Variants in NFIC observed in about 807,000 individuals in gnomAD.
The protein encoded by NFIC is nuclear factor 1 C-type.
Under a neutral mutation model 54.4 loss-of-function variants are expected in NFIC, and 12 were observed. The observed-to-expected ratio is 0.22, with a 90% CI of 0.14 to 0.36. The LOEUF (loss-of-function observed/expected upper bound fraction) is 0.36, where lower values mean the gene tolerates loss of function less well. NFIC is among the 10% of genes least tolerant of loss of function. NFIC has a pLI of 1.00. For synonymous variants in NFIC, 322 were observed against 319.2 expected (o/e 1.01, Z -0.09); for missense variants, 575 against 718.2 (o/e 0.80, Z 2.28).
chr19:3,442,798 G>A (rs753428629), intron 6 of NFIC, among the ~76,000 whole-genome samples: 9 of 152,192 alleles, frequency 5.9e-5, no homozygotes, highest in Non-Finnish European at 1.2e-4. Context: ...ATGGCCTTAG[G>A]CGAGTGACGT....
At chr19:3,428,758 G>A (rs1052578486) in intron 3 of NFIC, among the ~76,000 whole-genome samples, 1 of 152,046 alleles carries the variant, frequency 6.6e-6, no homozygotes, top group South Asian at 2.1e-4. Flanking sequence ...CTCCCAGCTC[G>A]CCAGGGAGTC....
rs2145498434 is a variant in NFIC at position 3,389,688 on chromosome 19, A to T, written c.562+7445A>T. ...AGAAGCATACAGGAGGCACTCAATA[A>T]ATGCTCACTTCCGGCCGGGCGCAGT... is the stretch of plus-strand genomic sequence containing the variant. On this transcript the variant is annotated intron_variant, in intron 2 of 10. Coordinates refer to ENST00000443272, the MANE Select transcript of NFIC (RefSeq NM_001245002.2). Among the ~76,000 whole-genome samples the T allele has an allele frequency of 2.0e-5, 3 of 152,218 alleles. No individual in the cohort carries two copies. The South Asian group carries it at 6.2e-4, about 32-fold the overall frequency.
In NFIC at chr19:3,370,523, C is replaced by T. The variant is rs1316582482; in HGVS notation, c.30+3857C>T. Among the ~76,000 whole-genome samples, 2 of 151,314 alleles carry T rather than the reference C, an allele frequency of 1.3e-5. No homozygotes were observed. The highest frequency in any genetic ancestry group is 2.4e-5 in the African/African-American group (1 of 41,136). On this transcript the variant is annotated intron_variant, in intron 1 of 10. Coordinates refer to ENST00000443272, the MANE Select transcript of NFIC (RefSeq NM_001245002.2). This position sits in a 1 kb window ranked among gnomAD's most constrained non-coding sequence, Gnocchi z 5.2. Reference sequence around the variant, plus strand: ...TCTCTGTCTCCCTCCCTTTCTCCCCCCATCTCGCTCTCTCCTCCTCTCTCC... The same window carrying T: ...TCTCTGTCTCCCTCCCTTTCTCCCCTCATCTCGCTCTCTCCTCCTCTCTCC...
In NFIC at chr19:3,462,735, G is replaced by T. The variant is rs181501320; in HGVS notation, c.1510-17G>T. On this transcript the variant is annotated splice_polypyrimidine_tract_variant and intron_variant, in intron 10 of 10. Transcript: ENST00000443272. ...CTTTTTCTCTCTCCCTCTTTCTGTC[G>T]CCACTGGGCCACTCAGTCCTGGTAT... 1.9e-4 allele frequency: 304 copies of T among 1,613,346 alleles called. No homozygotes were observed. In the Admixed American group the frequency reaches 5.0e-3, roughly 27 times the overall value.
intron 1 of NFIC, among the ~76,000 whole-genome samples, chr19:3,373,962 C>T (rs182962591): frequency 2.6e-5 from 4 of 152,318 alleles, no homozygotes; most frequent in Admixed American, 6.5e-5. Flanking sequence ...GACGCTGGTG[C>T]CGGATGGGCC....
chr19:3,444,712 G>A (rs759396677), intron 6 of NFIC, among the ~76,000 whole-genome samples: 88 of 152,208 alleles, frequency 5.8e-4, no homozygotes, highest in Non-Finnish European at 1.1e-3. Flanking sequence ...CAGGACAAGC[G>A]GTTCTAGGAA....
Position 3,462,745 on chromosome 19 carries a change from C to T in NFIC, c.1510-7C>T. The T allele has an allele frequency of 6.2e-7, 1 of 1,613,820 alleles. No homozygotes were observed. The highest frequency in any genetic ancestry group is 1.3e-5 in the African/African-American group (1 of 75,016). On this transcript the variant is annotated splice_polypyrimidine_tract_variant and splice_region_variant and intron_variant, in intron 10 of 10. Coordinates refer to ENST00000443272, the MANE Select transcript of NFIC (RefSeq NM_001245002.2). ...CTCCCTCTTTCTGTCGCCACTGGGC[C>T]ACTCAGTCCTGGTATCTGGGATAGC...
chr19:3,438,332 C>G (rs993417494), intron 6 of NFIC, among the ~76,000 whole-genome samples: 1 of 151,932 alleles, frequency 6.6e-6, no homozygotes, highest in Non-Finnish European at 1.5e-5. Context: ...GATTGGGAAT[C>G]GCAGAGCTAG....
At chr19:3,376,391 C>G in intron 1 of NFIC, among the ~76,000 whole-genome samples, 1 of 134,556 alleles carries the variant, frequency 7.4e-6, no homozygotes, top group African/African-American at 2.9e-5. Context: ...ATCATGCCAC[C>G]GCCCTCCAGC....
rs1409600756 is a variant in NFIC at position 3,359,775 on chromosome 19, CAG to C, written c.3+91_3+92del. On this transcript the variant is annotated intron_variant, in intron 1 of 9. Coordinates refer to the NFIC transcript ENST00000395111. ...GCGAAAGTTGCAAGATCTGGGGGGA[CAG>C]GGGGCGGGGGCCGCCCGGAGGAGGG... 4.6e-6 allele frequency: 6 copies of C among 1,300,754 alleles called. No homozygotes were observed. The South Asian group carries it at 7.6e-5, about 16-fold the overall frequency. 80.6% of individuals were successfully genotyped at this position (1,300,754 alleles called of 1,614,324 possible). A position where few individuals can be genotyped will look rare whatever the true frequency, so the allele number is the denominator to read the frequency against.
intron 10 of NFIC, among the ~76,000 whole-genome samples, chr19:3,460,409 C>T (rs549930295): frequency 2.6e-5 from 4 of 152,288 alleles, no homozygotes; most frequent in African/African-American, 2.4e-5. Flanking sequence ...CTTCTCTGGG[C>T]CTCACTTTCT....
chr19:3,435,352 C>T, intron 6 of NFIC, 145 bp downstream of exon 6: 4 of 1,224,260 alleles, frequency 3.3e-6, no homozygotes, highest in Non-Finnish European at 4.4e-6. Context: ...GTAGTCGTCC[C>T]GAGCTGCGCT....
At chr19:3,418,592 C>A (rs890279133) in intron 2 of NFIC, among the ~76,000 whole-genome samples, 1 of 152,150 alleles carries the variant, frequency 6.6e-6, no homozygotes, top group African/African-American at 2.4e-5. Context: ...TGGCTCACAC[C>A]TGTAATCCCA....
intron 2 of NFIC, among the ~76,000 whole-genome samples, chr19:3,424,835 C>T (rs1030427240): frequency 6.6e-6 from 1 of 152,210 alleles, no homozygotes; most frequent in Non-Finnish European, 1.5e-5. Context: ...CCTGCAGAAG[C>T]GGAGGGCTTA....
chr19:3,404,349 C>T (rs1253892585), intron 2 of NFIC, among the ~76,000 whole-genome samples: 2 of 152,110 alleles, frequency 1.3e-5, no homozygotes, highest in South Asian at 2.1e-4. Flanking sequence ...GGTGTGCGTG[C>T]GGGTATTTTT....
At chr19:3,405,197 C>T (rs928390835) in intron 2 of NFIC, among the ~76,000 whole-genome samples, 2 of 152,216 alleles carry the variant, frequency 1.3e-5, no homozygotes, top group African/African-American at 4.8e-5. Context: ...TTAAGGAACG[C>T]AGGAAGGACG....
intron 2 of NFIC, among the ~76,000 whole-genome samples, chr19:3,387,204 C>T (rs1211631001): frequency 2.6e-5 from 4 of 152,192 alleles, no homozygotes; most frequent in African/African-American, 9.6e-5. Context: ...CTTGCAACGT[C>T]ACAAGTGAGA....
At chr19:3,427,128 G>A (rs1239666159) in intron 3 of NFIC, among the ~76,000 whole-genome samples, 10 of 151,914 alleles carry the variant, frequency 6.6e-5, no homozygotes, top group East Asian at 2.0e-4. Context: ...GGGTTTCACC[G>A]TGGTAGCCAG....
intron 2 of NFIC, among the ~76,000 whole-genome samples, chr19:3,403,554 G>A (rs2081590187): frequency 6.6e-6 from 1 of 152,192 alleles, no homozygotes; most frequent in African/African-American, 2.4e-5. Flanking sequence ...CCACGCCAAA[G>A]CCAGGGCGTT....
Sources: gnomAD v4.1 joint callset for allele counts (sites outside exome capture counted in the v4.1 genomes callset) on GRCh38, gnomAD v4.1.1 for gene constraint, Gnocchi (gnomAD v3.1) non-coding constraint, MANE v1.5 for transcripts, NCBI Gene and HGNC (gene_info 2026-07-23, HGNC 2026-07-21) for gene names.